Variants in TMEM41A observed in about 807,000 individuals in gnomAD.
The protein encoded by TMEM41A is transmembrane protein 41A.
In TMEM41A, 20 loss-of-function variants were observed where a neutral mutation model predicts 25.7. The ratio of observed to expected loss-of-function variants is 0.78; its 90% CI spans 0.55 to 1.13. TMEM41A has a LOEUF of 1.13. TMEM41A is among the 50% of genes most tolerant of loss of function. The probability of loss-of-function intolerance (pLI) is 0.00; values close to 1 mark genes in which losing one functional copy is unlikely to be tolerated. For synonymous variants in TMEM41A, 133 were observed against 139.6 expected, an observed-to-expected ratio of 0.95 and a Z score of 0.33; for missense variants, 299 against 314.3, an observed-to-expected ratio of 0.95 and a Z score of 0.37.
chr3:185,491,581 C>T lies in TMEM41A; in HGVS notation c.751G>A (p.Glu251Lys), dbSNP rs1718952762. 1.2e-6 allele frequency: 2 copies of T among 1,614,070 alleles called. No individual in the cohort carries two copies. Among genetic ancestry groups the T allele is most frequent in the Admixed American group, 1.7e-5 (1 of 60,002 alleles). ...KFSQKHLQLN[E>K]TSTANHIHSR... ...TGTATATGATTAGCAGTACTTGTTT[C>T]ATTCAATTGCAGATGTTTCTGACTA... Residue 251 changes from glutamate to lysine, a missense_variant, in exon 5 of 5, where the codon GAA becomes AAA. Coordinates refer to ENST00000421852, the MANE Select transcript of TMEM41A (RefSeq NM_080652.4).
At position 185,491,288 on chromosome 3, in the gene TMEM41A, G is replaced by A. The variant is rs1029023761; in HGVS notation, c.*249C>T. On this transcript the variant is annotated 3_prime_UTR_variant, in exon 5 of 5. Transcript: ENST00000421852. ...TGGGATTACAGGCGTGAGCCACCGC[G>A]CCCGGCCACAAACAGCATTTTCTAG... The A allele has an allele frequency of 1.2e-4, 42 of 354,382 alleles. No individual in the cohort carries two copies. Among genetic ancestry groups the A allele is most frequent in the Non-Finnish European group, 1.8e-4 (34 of 190,750 alleles). The allele number at this position is 354,382 out of a possible 1,614,324, so 22.0% of individuals were successfully genotyped here. A position where few individuals can be genotyped will look rare whatever the true frequency, so the allele number is the denominator to read the frequency against.
At chr3:185,498,780 C>G in intron 1 of TMEM41A, 63 bp downstream of exon 1, 1 of 1,257,724 alleles carries the variant, frequency 8.0e-7, no homozygotes, top group South Asian at 1.5e-5. Context: ...TCTCCGATTC[C>G]CAGCCCCGGT....
chr3:185,497,069 AG>A, intron 1 of TMEM41A, 88 bp from the exon 2 acceptor site: 3 of 1,463,960 alleles, frequency 2.0e-6, no homozygotes, highest in Non-Finnish European at 2.7e-6. Flanking sequence ...TTTTCAGAGT[AG>A]GTTTATAAAT....
At position 185,496,556 on chromosome 3, in the gene TMEM41A, C is replaced by G. The variant is rs7635115; in HGVS notation, c.273+272G>C. 1,060 of 486,320 alleles carry G rather than the reference C, an allele frequency of 2.2e-3. 9 individuals are homozygous for G. Among genetic ancestry groups the G allele is most frequent in the African/African-American group, 0.019 (977 of 51,398 alleles). 30.1% of individuals were successfully genotyped at this position (486,320 alleles called of 1,614,324 possible). A position where few individuals can be genotyped will look rare whatever the true frequency, so the allele number is the denominator to read the frequency against. Reference sequence around the variant, plus strand: ...GACATGTTTGCTTTTCTTCTAGTTTCCGACAAGGAAACTGTTTGAGCAGGT... The same window carrying G: ...GACATGTTTGCTTTTCTTCTAGTTTGCGACAAGGAAACTGTTTGAGCAGGT... On this transcript the variant is annotated intron_variant, in intron 2 of 4. Transcript: ENST00000421852.
intron 1 of TMEM41A, among the ~76,000 whole-genome samples, chr3:185,497,814 C>T (rs934963706): frequency 6.6e-6 from 1 of 152,218 alleles, no homozygotes; most frequent in Non-Finnish European, 1.5e-5. Context: ...AAAACAGCTG[C>T]CTTAATAGTC....
intron 1 of TMEM41A, among the ~76,000 whole-genome samples, chr3:185,497,697 C>A (rs982770332): frequency 1.3e-5 from 2 of 152,204 alleles, no homozygotes; most frequent in Non-Finnish European, 2.9e-5. Flanking sequence ...GAATCCATCA[C>A]TGATTAATCA....
intron 2 of TMEM41A, chr3:185,496,242 G>T (rs933358831): frequency 1.3e-5 from 2 of 155,666 alleles, no homozygotes; most frequent in Admixed American, 1.2e-4. Context: ...CTGGGGAGCC[G>T]CTAAGCACTG....
chr3:185,495,238 T>G lies in TMEM41A; in HGVS notation c.351A>C (p.Thr117=), dbSNP rs765576182. 6.2e-7 allele frequency: 1 copy of G among 1,613,730 alleles called. No homozygotes were observed. The highest frequency in any genetic ancestry group is 8.5e-7 in the Non-Finnish European group (1 of 1,179,944). Residue 117 remains threonine (T), a synonymous_variant, in exon 3 of 5, where the codon ACA becomes ACC. Transcript: ENST00000421852. ...AAATACTGGAGAGCAGGTAGCAGCA[T>G]GTGGCACCCACCGAGGTCAACACAC... The part of the protein sequence containing the change: ...LCCVLTSVGA[T]CCYLLSSIFG...
intron 1 of TMEM41A, chr3:185,498,584 G>A (rs1252843772): frequency 5.2e-6 from 2 of 381,536 alleles, no homozygotes; most frequent in Admixed American, 4.8e-5. Context: ...AAGGCACCGC[G>A]GCGTGACGCC....
chr3:185,494,647 G>A lies in TMEM41A; in HGVS notation c.550C>T (p.Gln184Ter), dbSNP rs754309358. ...CCGATAAGAACTGAGAAGAAGAACT[G>A]CACGATGGGAATGTTCAGAATTGGG... ...SAPILNIPIV[Q>*]FFFSVLIGLI... is the part of the protein sequence containing the mutation. Residue 184 changes from glutamine to a stop codon, truncating the protein, a stop_gained, in exon 4 of 5, where the codon CAG (glutamine) becomes TAG (stop). Transcript: ENST00000421852. LOFTEE classifies it high-confidence loss of function. 6.2e-7 allele frequency: 1 copy of A among 1,609,716 alleles called. No individual in the cohort carries two copies. The highest frequency in any genetic ancestry group is 8.5e-7 in the Non-Finnish European group (1 of 1,178,434).
rs1450523447 is a variant in TMEM41A at position 185,498,965 on chromosome 3, G to A, written c.-4C>T. ...GGAGGCCGAGAAGCGGGCGCATGTC[G>A]GCTCCGCACCCCGGCCCGCGGGGCA... On this transcript the variant is annotated 5_prime_UTR_variant, in exon 1 of 5. Transcript: ENST00000421852. The A allele has an allele frequency of 5.6e-6, 9 of 1,595,204 alleles. No homozygotes were observed. The highest frequency in any genetic ancestry group is 2.3e-5 in the East Asian group (1 of 43,664).
Position 185,498,951 on chromosome 3 carries a change from A to G in TMEM41A, c.11T>C (p.Leu4Pro). 6.2e-7 allele frequency: 1 copy of G among 1,600,784 alleles called. No homozygotes were observed. The highest frequency in any genetic ancestry group is 8.5e-7 in the Non-Finnish European group (1 of 1,174,642). The change falls in exon 1 of 5, where the codon CTT (leucine) becomes CCT (proline). Residue 4 changes from leucine (L) to proline (P), a missense_variant. By Grantham distance (98) the Leu-to-Pro change is moderately conservative (BLOSUM62 -3). Coordinates refer to ENST00000421852, the MANE Select transcript of TMEM41A (RefSeq NM_080652.4). The part of the protein sequence containing the change: MRP[L>P]LGLLLVFAGC... ...GGCGAAGACCAGAAGGAGGCCGAGA[A>G]GCGGGCGCATGTCGGCTCCGCACCC...
chr3:185,496,926 G>A lies in TMEM41A; in HGVS notation c.175C>T (p.Arg59Ter), dbSNP rs761717963. Residue 59 changes from arginine to a stop codon, truncating the protein, a stop_gained, in exon 2 of 5, where the codon CGA (arginine) becomes TGA (stop). Coordinates refer to ENST00000421852, the MANE Select transcript of TMEM41A (RefSeq NM_080652.4). LOFTEE classifies it high-confidence loss of function. ...AELRELSEVL[R>*]EYRKEHQAYV... ...GCCTGGTGCTCCTTCCGGTACTCTCGAAGGACCTCAGAGAGCTCCCGCAGC... is the reference window on the plus strand; with the variant it reads ...GCCTGGTGCTCCTTCCGGTACTCTCAAAGGACCTCAGAGAGCTCCCGCAGC... The A allele has an allele frequency of 3.7e-6, 6 of 1,602,652 alleles. No homozygotes were observed. The highest frequency in any genetic ancestry group is 3.5e-5 in the Admixed American group (2 of 57,644).
chr3:185,497,049 C>T, intron 1 of TMEM41A, 68 bp from the exon 2 acceptor site: 1 of 1,514,302 alleles, frequency 6.6e-7, no homozygotes, highest in Admixed American at 2.0e-5. Flanking sequence ...AAGTCACTCG[C>T]TGTGTCTTCT....
chr3:185,494,224 G>T (rs1409953158), intron 4 of TMEM41A: 7 of 162,100 alleles, frequency 4.3e-5, no homozygotes, highest in African/African-American at 1.7e-4. Context: ...AAACCAGACA[G>T]GAAGTCCCTT....
chr3:185,491,701 T>A lies in TMEM41A; in HGVS notation c.631A>T (p.Thr211Ser), dbSNP rs775408135. The part of the protein sequence containing the change: ...VQTGSILSTL[T>S]SLDALFSWDT... ...CAGGAGAAAAGAGCATCCAGAGAGG[T>A]TAGGGTTGACAGGATGGACCCTGTC... Residue 211 changes from threonine to serine, a missense_variant, in exon 5 of 5, where the codon ACC (threonine) becomes TCC (serine). Thr to Ser is a moderately conservative substitution (Grantham distance 58). Transcript: ENST00000421852. The A allele has an allele frequency of 1.2e-6, 2 of 1,614,080 alleles. No individual in the cohort carries two copies. Among genetic ancestry groups the A allele is most frequent in the South Asian group, 1.1e-5 (1 of 91,066 alleles).
intron 1 of TMEM41A, 78 bp from the exon 2 acceptor site, chr3:185,497,059 T>C (rs1367842404): frequency 1.3e-6 from 2 of 1,493,390 alleles, no homozygotes; most frequent in African/African-American, 1.4e-5. Context: ...CTGTGTCTTC[T>C]TTTCAGAGTA....
At position 185,491,747 on chromosome 3, in the gene TMEM41A, T is replaced by C. The variant is rs1167557528; in HGVS notation, c.585A>G (p.Pro195=). The C allele has an allele frequency of 6.2e-7, 1 of 1,611,110 alleles. No individual in the cohort carries two copies. The highest frequency in any genetic ancestry group is 1.7e-5 in the Admixed American group (1 of 59,562). The change falls in exon 5 of 5, where the codon CCA becomes CCG. Residue 195 remains proline, a synonymous_variant. Coordinates refer to ENST00000421852, the MANE Select transcript of TMEM41A (RefSeq NM_080652.4). ...CTGTCTGCACACAGATGAAATTATA[T>C]GGGATCAAACCTGGAAGAAGAAAAG... is the stretch of plus-strand genomic sequence containing the variant. ...FFFSVLIGLI[P]YNFICVQTGS... is the part of the protein sequence containing the mutation.
At chr3:185,491,903 CCTTCTTTT>C in intron 4 of TMEM41A, 146 bp from the exon 5 acceptor site, 1 of 584,408 alleles carries the variant, frequency 1.7e-6, no homozygotes. Context: ...TCCCTTCTTT[CCTTCTTTT>C]CTATTATTTT....
Sources: allele counts gnomAD v4.1 joint callset (sites outside exome capture counted in the v4.1 genomes callset), GRCh38; gene constraint gnomAD v4.1.1; transcripts MANE v1.5; gene names NCBI Gene and HGNC (gene_info 2026-07-23, HGNC 2026-07-21).